Variants in XKR9 observed in about 807,000 individuals in gnomAD.
XKR9 encodes the protein XK-related protein 9.
Under a neutral mutation model 32.0 loss-of-function variants are expected in XKR9, and 32 were observed. The ratio of observed to expected loss-of-function variants is 1.00; its 90% CI spans 0.76 to 1.34. The LOEUF (loss-of-function observed/expected upper bound fraction) is 1.34. Ranked by LOEUF, XKR9 falls within the 40% of genes most tolerant of loss-of-function variation. XKR9 has a pLI of 0.00. For synonymous variants in XKR9, 168 were observed against 143.4 expected (o/e 1.17, Z -1.22); for missense variants, 546 against 429.7 (o/e 1.27, Z -2.39).
chr8:70,812,223 C>T, the XKR9 span, among the ~76,000 whole-genome samples: 6 of 152,128 alleles, frequency 3.9e-5, no homozygotes, highest in Non-Finnish European at 5.9e-5. Flanking sequence ...CAGAAAAGGC[C>T]TTTGACAAAA....
chr8:70,906,355 C>G, the XKR9 span, among the ~76,000 whole-genome samples: 1 of 152,128 alleles, frequency 6.6e-6, no homozygotes, highest in South Asian at 2.1e-4. Flanking sequence ...ATAGAAAGAA[C>G]TTAATTATTT....
At chr8:70,749,463 G>T (rs555038684) in intron 2 of XKR9, among the ~76,000 whole-genome samples, 17 of 152,024 alleles carry the variant, frequency 1.1e-4, no homozygotes, top group Non-Finnish European at 2.2e-4. Context: ...CCTTTGTCTA[G>T]ATGTTGCTGC....
At chr8:70,903,423 G>A in the XKR9 span, among the ~76,000 whole-genome samples, 3 of 152,084 alleles carry the variant, frequency 2.0e-5, no homozygotes, top group Non-Finnish European at 4.4e-5. Flanking sequence ...GTTTATTTGT[G>A]TAGAGGTGTT....
chr8:71,047,473 T>G, the XKR9 span, among the ~76,000 whole-genome samples: 1 of 152,244 alleles, frequency 6.6e-6, no homozygotes, highest in Non-Finnish European at 1.5e-5. Context: ...CCACCTCCTC[T>G]GTGTCCATTT....
At chr8:70,718,366 ACATAGGTATACATGTGCCATGTTGGTTTG>A (rs1412928897) in intron 4 of XKR9, among the ~76,000 whole-genome samples, 1 of 152,158 alleles carries the variant, frequency 6.6e-6, no homozygotes, top group Non-Finnish European at 1.5e-5. Flanking sequence ...CAGGTTTGTT[ACATAGGTATACATGTGCCATGTTGGTTTG>A]CTGCACATAT....
the XKR9 span, among the ~76,000 whole-genome samples, chr8:70,828,454 G>C: frequency 6.6e-6 from 1 of 151,752 alleles, no homozygotes. Context: ...ACTGGTGGGG[G>C]CTGGGCGCAG....
chr8:71,059,280 C>A, the XKR9 span, among the ~76,000 whole-genome samples: 1 of 152,180 alleles, frequency 6.6e-6, no homozygotes, highest in African/African-American at 2.4e-5. Flanking sequence ...TGCCCTCAGG[C>A]GCCAAACCTG....
chr8:70,775,747 AT>A (rs35457458), intron 2 of XKR9, among the ~76,000 whole-genome samples: 180 of 144,698 alleles, frequency 1.2e-3, no homozygotes, highest in Middle Eastern at 7.2e-3. Context: ...AATATTGGTC[AT>A]TTTTTTTTTT....
downstream of XKR9, among the ~76,000 whole-genome samples, chr8:70,736,732 C>G (rs1165863808): frequency 1.3e-5 from 2 of 151,964 alleles, no homozygotes; most frequent in Non-Finnish European, 2.9e-5. Flanking sequence ...GGAATCCTTT[C>G]CCCATTGCTT....
intron 2 of XKR9, among the ~76,000 whole-genome samples, chr8:70,775,664 A>G (rs1021246476): frequency 1.3e-5 from 2 of 152,028 alleles, no homozygotes; most frequent in Admixed American, 6.6e-5. Flanking sequence ...ATGATGTATT[A>G]TACCTTTTAT....
the XKR9 span, among the ~76,000 whole-genome samples, chr8:70,865,466 T>TC: frequency 7.6e-6 from 1 of 130,886 alleles, no homozygotes; most frequent in Non-Finnish European, 1.8e-5. Flanking sequence ...TCTCACTTTC[T>TC]CAAAAAAAAA....
chr8:70,763,637 A>G (rs1056415074), intron 2 of XKR9, among the ~76,000 whole-genome samples: 1 of 152,234 alleles, frequency 6.6e-6, no homozygotes, highest in Non-Finnish European at 1.5e-5. Context: ...ATTAAAAAGC[A>G]GATCTAAAAC....
chr8:70,798,209 C>T, the XKR9 span, among the ~76,000 whole-genome samples: 1 of 152,018 alleles, frequency 6.6e-6, no homozygotes, highest in African/African-American at 2.4e-5. Context: ...GCAACCTTGC[C>T]TACATCTGTT....
At chr8:70,796,179 C>G in the XKR9 span, among the ~76,000 whole-genome samples, 65 of 151,866 alleles carry the variant, frequency 4.3e-4, no homozygotes, top group African/African-American at 1.4e-3. Context: ...AAGCATAGTA[C>G]AAGAAGTAGT....
chr8:71,014,622 C>T, the XKR9 span, among the ~76,000 whole-genome samples: 1 of 152,172 alleles, frequency 6.6e-6, no homozygotes, highest in Non-Finnish European at 1.5e-5. Context: ...AACTTAGTTA[C>T]ATCTGCAAAG....
At chr8:70,899,282 A>G in the XKR9 span, among the ~76,000 whole-genome samples, 2 of 151,604 alleles carry the variant, frequency 1.3e-5, no homozygotes, top group Admixed American at 6.6e-5. Flanking sequence ...TATTACTTTC[A>G]TTGAATTTTT....
At position 70,734,332 on chromosome 8, in the gene XKR9, C is replaced by T; in HGVS notation, c.1030C>T (p.His344Tyr). 6.2e-7 allele frequency: 1 copy of T among 1,612,152 alleles called. No individual in the cohort carries two copies. The highest frequency in any genetic ancestry group is 8.5e-7 in the Non-Finnish European group (1 of 1,179,462). Residue 344 changes from histidine to tyrosine, a missense_variant, in exon 5 of 5, where the codon CAC (histidine) becomes TAC (tyrosine). Physicochemically the swap from His to Tyr is moderately conservative, Grantham distance 83. Transcript: ENST00000408926. ...TCTTATTGTTTATTATGGGAGTTTTCACCCAAACAGAAGTGCAGAAACAAA... is the reference window on the plus strand; with the variant it reads ...TCTTATTGTTTATTATGGGAGTTTTTACCCAAACAGAAGTGCAGAAACAAA... ...LFLIVYYGSFHPNRSAETKCD... is the reference protein window; with the variant it reads ...LFLIVYYGSFYPNRSAETKCD...
At chr8:70,761,835 A>G (rs1284858646) in intron 2 of XKR9, among the ~76,000 whole-genome samples, 1 of 152,028 alleles carries the variant, frequency 6.6e-6, no homozygotes, top group Non-Finnish European at 1.5e-5. Flanking sequence ...TGGGTTTTAC[A>G]TGTAAGTCTT....
chr8:70,939,593 A>G, the XKR9 span, among the ~76,000 whole-genome samples: 1 of 152,048 alleles, frequency 6.6e-6, no homozygotes, highest in Non-Finnish European at 1.5e-5. Context: ...GAGGACTGAC[A>G]ATCTCTATTT....
Sources: gnomAD v4.1 joint callset for allele counts (sites outside exome capture counted in the v4.1 genomes callset) on GRCh38, gnomAD v4.1.1 for gene constraint, MANE v1.5 for transcripts, NCBI Gene and HGNC (gene_info 2026-07-23, HGNC 2026-07-21) for gene names.